The following NELL1 variants were observed in gnomAD, a reference collection of about 807,000 sequenced individuals.
The protein encoded by NELL1 is neural EGFL like 1, also known as protein kinase C-binding protein NELL1.
NELL1 carries 76 observed loss-of-function variants against 107.4 expected under a neutral mutation model. The observed-to-expected ratio is 0.71, with a 90% confidence interval of 0.59 to 0.86. NELL1 has a LOEUF of 0.86. Ranked by LOEUF, NELL1 falls within the 40% of genes least tolerant of loss-of-function variation. The pLI is 0.00. For missense variants in NELL1, 1,024 were observed against 1,005.5 expected (o/e 1.02, Z -0.25); for synonymous variants, 353 against 341.2 (o/e 1.03, Z -0.38).
At chr11:21,138,706 A>T (rs1855798247) in intron 13 of NELL1, among the ~76,000 whole-genome samples, 1 of 152,240 alleles carries the variant, frequency 6.6e-6, no homozygotes, top group South Asian at 2.1e-4. Flanking sequence ...TTTTAAAATT[A>T]AAGTTATTTT....
intron 12 of NELL1, among the ~76,000 whole-genome samples, chr11:21,106,253 T>G (rs533279952): frequency 1.3e-5 from 2 of 152,086 alleles, no homozygotes; most frequent in African/African-American, 4.8e-5. Context: ...AGTCCAGGTC[T>G]GCTTCCTAGC....
intron 12 of NELL1, among the ~76,000 whole-genome samples, chr11:21,099,220 CACACACACACACAA>C (rs1554967526): frequency 0.013 from 1,901 of 142,362 alleles, 46 homozygotes; most frequent in African/African-American, 0.046. Flanking sequence ...CACACACACA[CACACACACACACAA>C]ACACACACAC....
rs1407846466 is a variant in NELL1 at position 21,440,975 on chromosome 11, TAAA to T, written c.1645+70029_1645+70031del. Among the ~76,000 whole-genome samples the T allele has an allele frequency of 2.0e-5, 3 of 152,272 alleles. No individual in the cohort carries two copies. The East Asian group carries it at 5.8e-4, about 29-fold the overall frequency. ...ACCTGAGTATGTTATTGAATATCTG[TAAA>T]ACGTATGAAAAGAAAGAAATGTAGG... On this transcript the variant is annotated intron_variant, in intron 15 of 19. Transcript: ENST00000357134.
At chr11:20,842,384 A>T (rs1848637151) in intron 3 of NELL1, among the ~76,000 whole-genome samples, 1 of 151,806 alleles carries the variant, frequency 6.6e-6, no homozygotes, top group African/African-American at 2.4e-5. Context: ...AAAAAAAAAA[A>T]AAGAGCTTCA....
chr11:21,272,011 T>G lies in NELL1; in HGVS notation c.1549+42557T>G, dbSNP rs558470231. Among the ~76,000 whole-genome samples, 3 of 152,302 alleles carry G rather than the reference T, an allele frequency of 2.0e-5. No individual in the cohort carries two copies. In the South Asian group the frequency reaches 6.2e-4, roughly 32 times the overall value. ...GATGGGTGATTTCTGCATTTCCAACTGAGGTACTGGGTTCATCTCACTGGG... is the reference window on the plus strand; with the variant it reads ...GATGGGTGATTTCTGCATTTCCAACGGAGGTACTGGGTTCATCTCACTGGG... On this transcript the variant is annotated intron_variant, in intron 14 of 19. Coordinates refer to ENST00000357134, the MANE Select transcript of NELL1 (RefSeq NM_006157.5).
intron 15 of NELL1, among the ~76,000 whole-genome samples, chr11:21,458,861 T>G (rs749140050): frequency 6.6e-6 from 1 of 152,140 alleles, no homozygotes. Context: ...AATTTTTTTC[T>G]GTTAAATGAA....
At chr11:21,188,978 C>T (rs371885310) in intron 13 of NELL1, among the ~76,000 whole-genome samples, 1 of 151,806 alleles carries the variant, frequency 6.6e-6, no homozygotes, top group African/African-American at 2.4e-5. Flanking sequence ...ATCATTTTCA[C>T]GCATGTTTTA....
chr11:20,830,510 G>A (rs1857986660), intron 3 of NELL1, among the ~76,000 whole-genome samples: 1 of 151,684 alleles, frequency 6.6e-6, no homozygotes, highest in East Asian at 2.0e-4. Flanking sequence ...CTAATTTTTT[G>A]TATTTTTAGT....
intron 2 of NELL1, among the ~76,000 whole-genome samples, chr11:20,687,860 T>G (rs1792997): frequency 0.21 from 31,631 of 152,026 alleles, 3,599 homozygotes; most frequent in African/African-American, 0.27. Flanking sequence ...CCCAAAGTTC[T>G]GGGATTACAG....
chr11:20,737,694 G>A (rs921412773), intron 2 of NELL1, among the ~76,000 whole-genome samples: 2 of 151,852 alleles, frequency 1.3e-5, no homozygotes, highest in Admixed American at 1.3e-4. Flanking sequence ...CCTACTACTA[G>A]CATTATTATT....
chr11:20,804,497 A>G (rs1280237223), intron 3 of NELL1, among the ~76,000 whole-genome samples: 1 of 152,190 alleles, frequency 6.6e-6, no homozygotes, highest in African/African-American at 2.4e-5. Context: ...CAGCCTCCCA[A>G]AGTGCTGGGA....
chr11:21,491,395 C>A (rs904184439), intron 15 of NELL1, among the ~76,000 whole-genome samples: 1 of 152,122 alleles, frequency 6.6e-6, no homozygotes, highest in African/African-American at 2.4e-5. Flanking sequence ...GGAAGGGATC[C>A]AGTTTCAGCT....
intron 13 of NELL1, among the ~76,000 whole-genome samples, chr11:21,168,591 T>C (rs1565093408): frequency 6.6e-6 from 1 of 151,848 alleles, no homozygotes; most frequent in African/African-American, 2.4e-5. Flanking sequence ...TTTTCAGTTG[T>C]GTTCAGTGAT....
At chr11:21,423,645 C>T (rs569655906) in intron 15 of NELL1, among the ~76,000 whole-genome samples, 10 of 152,032 alleles carry the variant, frequency 6.6e-5, no homozygotes, top group South Asian at 2.1e-4. Flanking sequence ...GACACGTGCA[C>T]GACACTTTAC....
At chr11:21,348,083 G>T (rs1850723214) in intron 14 of NELL1, among the ~76,000 whole-genome samples, 1 of 151,596 alleles carries the variant, frequency 6.6e-6, no homozygotes, top group Admixed American at 6.6e-5. Context: ...AATTATTGTT[G>T]TGCAACTTGG....
intron 14 of NELL1, among the ~76,000 whole-genome samples, chr11:21,291,150 G>T (rs1849250226): frequency 6.6e-6 from 1 of 152,172 alleles, no homozygotes; most frequent in African/African-American, 2.4e-5. Context: ...GAACATAAAT[G>T]ACCTGATGGA....
At chr11:20,980,352 A>G (rs1031441579) in intron 12 of NELL1, among the ~76,000 whole-genome samples, 18 of 152,176 alleles carry the variant, frequency 1.2e-4, no homozygotes, top group African/African-American at 4.3e-4. Flanking sequence ...TTCCAGAAGA[A>G]TTAGGACTAA....
chr11:21,511,458 A>G (rs186877945), intron 15 of NELL1, among the ~76,000 whole-genome samples: 25 of 152,140 alleles, frequency 1.6e-4, no homozygotes, highest in African/African-American at 4.8e-4. Context: ...GTTGGATGAG[A>G]AAGATAAGGT....
At chr11:21,196,627 C>T (rs573672392) in intron 13 of NELL1, among the ~76,000 whole-genome samples, 5 of 152,156 alleles carry the variant, frequency 3.3e-5, no homozygotes, top group South Asian at 2.1e-4. Flanking sequence ...CTCTCCATCC[C>T]CTTTCTCTGC....
Sources: allele counts gnomAD v4.1 joint callset (sites outside exome capture counted in the v4.1 genomes callset), GRCh38; gene constraint gnomAD v4.1.1; transcripts MANE v1.5; gene names NCBI Gene and HGNC (gene_info 2026-07-23, HGNC 2026-07-21).